The following ABCA13 variants were observed in gnomAD, a reference collection of about 807,000 sequenced individuals.
ABCA13 encodes ATP-binding cassette sub-family A member 13.
Under a neutral mutation model 478.7 loss-of-function variants are expected in ABCA13, and 476 were observed. That is an observed-to-expected ratio of 0.99 (90% CI 0.92 to 1.07). The LOEUF is 1.07. ABCA13 is among the 50% of genes least tolerant of loss of function. ABCA13 has a pLI of 0.00. For missense variants in ABCA13, 6,060 were observed against 5,910.6 expected, an observed-to-expected ratio of 1.03 and a Z score of -0.83; for synonymous variants, 2,252 against 2,158.9, an observed-to-expected ratio of 1.04 and a Z score of -1.20.
At chr7:48,511,296 CCT>C in intron 51 of ABCA13, 97 bp downstream of exon 51, 1 of 1,001,762 alleles carries the variant, frequency 1.0e-6, no homozygotes, top group Non-Finnish European at 1.5e-6. Context: ...TTCATGATTT[CCT>C]CTCTTTTGAA....
In ABCA13 at chr7:48,644,767, G is replaced by A; in HGVS notation, c.15081+13G>A. 6.4e-7 allele frequency: 1 copy of A among 1,571,850 alleles called. No homozygotes were observed. The highest frequency in any genetic ancestry group is 8.6e-7 in the Non-Finnish European group (1 of 1,163,706). On this transcript the variant is annotated intron_variant, in intron 61 of 61. Transcript: ENST00000435803. ...CACTTTGGAGCAGGTATAGTATCTT[G>A]AATGATTCAGGAGGTTGAATTTTGG...
At chr7:48,564,169 T>G (rs1786779999) in intron 55 of ABCA13, among the ~76,000 whole-genome samples, 1 of 152,134 alleles carries the variant, frequency 6.6e-6, no homozygotes, top group Non-Finnish European at 1.5e-5. Flanking sequence ...CTCTCAGATC[T>G]AATCTAGCAC....
chr7:48,350,636 T>TC lies in ABCA13; in HGVS notation c.10205-5dup. The TC allele has an allele frequency of 6.2e-7, 1 of 1,610,086 alleles. No homozygotes were observed. The highest frequency in any genetic ancestry group is 8.5e-7 in the Non-Finnish European group (1 of 1,177,586). ...TTGATGTGTCCTAATCTGTTCACTT[T>TC]CCTCAGGAGGGCTGCTGGATGAGAT... is the stretch of plus-strand genomic sequence containing the variant. On this transcript the variant is annotated splice_region_variant and splice_polypyrimidine_tract_variant and intron_variant, in intron 29 of 61. Transcript: ENST00000435803.
At chr7:48,510,444 T>C (rs1304906325) in intron 50 of ABCA13, among the ~76,000 whole-genome samples, 3 of 151,854 alleles carry the variant, frequency 2.0e-5, no homozygotes, top group African/African-American at 7.3e-5. Flanking sequence ...GATAGGGAGG[T>C]AGTGTGAGGA....
chr7:48,637,381 C>CAAAAAAAAAAAAAAAAAAAAAAA (rs1156643955), intron 59 of ABCA13, among the ~76,000 whole-genome samples: 13 of 20,256 alleles, frequency 6.4e-4, no homozygotes, highest in African/African-American at 1.0e-3. Flanking sequence ...GTTCATAAAG[C>CAAAAAAAAAAAAAAAAAAAAAAA]AAAAAAAAAA....
Position 48,281,332 on chromosome 7 carries a change from T to G in ABCA13, c.8727-11T>G, listed in dbSNP as rs1797005310. 3 of 1,583,468 alleles carry G rather than the reference T, an allele frequency of 1.9e-6. No individual in the cohort carries two copies. Among genetic ancestry groups the G allele is most frequent in the South Asian group, 1.2e-5 (1 of 86,590 alleles). On this transcript the variant is annotated splice_polypyrimidine_tract_variant and intron_variant, in intron 18 of 61. Coordinates refer to ENST00000435803, the MANE Select transcript of ABCA13 (RefSeq NM_152701.5). Reference sequence around the variant, plus strand: ...ACCCTTTTATGTCATTGTATATATTTTTTTGCTAAGTGTTGTTGAGATTTG... The same window carrying G: ...ACCCTTTTATGTCATTGTATATATTGTTTTGCTAAGTGTTGTTGAGATTTG...
chr7:48,278,874 C>T lies in ABCA13; in HGVS notation c.7680C>T (p.Ser2560=), dbSNP rs758068379. The change falls in exon 18 of 62, where the codon TCC becomes TCT. Residue 2560 remains serine, a synonymous_variant. Transcript: ENST00000435803. ...TGAAATTCTTTGACACTCTGTATTC[C>T]ATCATGCAACAAAGTGTTCAAAATC... The part of the protein sequence containing the change: ...DSVKFFDTLY[S]IMQQSVQNLV... 2.5e-6 allele frequency: 4 copies of T among 1,613,336 alleles called. No individual in the cohort carries two copies. In the South Asian group the frequency reaches 4.4e-5, roughly 18 times the overall value.
Position 48,545,394 on chromosome 7 carries a change from C to T in ABCA13, c.14354+17049C>T, listed in dbSNP as rs572936538. 2.6e-5 allele frequency among the ~76,000 whole-genome samples: 4 copies of T among 151,792 alleles called. 1 individual carries two copies. Among genetic ancestry groups the T allele is most frequent in the African/African-American group, 9.6e-5 (4 of 41,500 alleles). On this transcript the variant is annotated intron_variant, in intron 55 of 61. Coordinates refer to ENST00000435803, the MANE Select transcript of ABCA13 (RefSeq NM_152701.5). ...GAGCTTATACCCTAGAACTGAAACT[C>T]CTAGAATTGTGGGAGTTTAAATTTG... is the stretch of plus-strand genomic sequence containing the variant.
intron 43 of ABCA13, among the ~76,000 whole-genome samples, chr7:48,462,580 C>T (rs1388883950): frequency 6.6e-6 from 1 of 152,012 alleles, no homozygotes; most frequent in African/African-American, 2.4e-5. Context: ...GTGATCTTGG[C>T]TCACTACAAC....
intron 3 of ABCA13, among the ~76,000 whole-genome samples, chr7:48,206,648 A>G (rs796917194): frequency 2.3e-4 from 35 of 152,160 alleles, no homozygotes; most frequent in African/African-American, 8.2e-4. Context: ...AAAAGTCTTT[A>G]TTTTTAATTA....
chr7:48,296,441 C>A (rs969613094), intron 21 of ABCA13, among the ~76,000 whole-genome samples: 29 of 151,106 alleles, frequency 1.9e-4, no homozygotes, highest in Non-Finnish European at 3.8e-4. Context: ...GTTTGAACAG[C>A]AAATATTTTT....
At chr7:48,224,338 C>A (rs1249663570) in intron 5 of ABCA13, among the ~76,000 whole-genome samples, 1 of 152,168 alleles carries the variant, frequency 6.6e-6, no homozygotes, top group Non-Finnish European at 1.5e-5. Flanking sequence ...GTCCCTTGTT[C>A]CAGGAAACAT....
At chr7:48,260,571 G>A (rs191212577) in intron 15 of ABCA13, among the ~76,000 whole-genome samples, 1 of 152,016 alleles carries the variant, frequency 6.6e-6, no homozygotes, top group East Asian at 1.9e-4. Context: ...CTTGCACACT[G>A]TTCTATTTTT....
chr7:48,343,707 C>T (rs1158999999), intron 29 of ABCA13, among the ~76,000 whole-genome samples: 2 of 152,134 alleles, frequency 1.3e-5, no homozygotes, highest in Non-Finnish European at 2.9e-5. Flanking sequence ...GCAGTATACA[C>T]TGTACCCAAT....
chr7:48,411,069 CTTTTT>C (rs1819093476), intron 40 of ABCA13, among the ~76,000 whole-genome samples: 4 of 111,552 alleles, frequency 3.6e-5, no homozygotes, highest in South Asian at 2.8e-4. Flanking sequence ...TTCTTTCTTT[CTTTTT>C]CTTTCTTTCT....
At chr7:48,201,091 T>C (rs1358072318) in intron 3 of ABCA13, among the ~76,000 whole-genome samples, 2 of 152,158 alleles carry the variant, frequency 1.3e-5, no homozygotes, top group African/African-American at 4.8e-5. Flanking sequence ...TTTACAAAGC[T>C]CTTTGTTCTT....
rs566686765 is a variant in ABCA13 at position 48,199,853 on chromosome 7, A to G, written c.287+1493A>G. The stretch of plus-strand genomic sequence containing the variant: ...TAAATGATGTTGAAGTGGGAAGAAT[A>G]TGATTTTGTGGCTAAACAATACTGG... On this transcript the variant is annotated intron_variant, in intron 3 of 61. Transcript: ENST00000435803. 2.2e-4 allele frequency among the ~76,000 whole-genome samples: 33 copies of G among 152,292 alleles called. 3 individuals carry two copies. In the South Asian group the frequency reaches 6.8e-3, roughly 32 times the overall value.
chr7:48,494,413 T>C (rs904411325), intron 48 of ABCA13, among the ~76,000 whole-genome samples: 1 of 151,966 alleles, frequency 6.6e-6, no homozygotes, highest in Admixed American at 6.5e-5. Context: ...AACATGCCCT[T>C]GAGAGCTTTG....
intron 31 of ABCA13, among the ~76,000 whole-genome samples, chr7:48,362,409 C>CTTTTTTTTTTTTTTTTTTTTTCTTTTT (rs35795708): frequency 1.2e-5 from 1 of 86,010 alleles, no homozygotes. Context: ...TCCTCTTCTT[C>CTTTTTTTTTTTTTTTTTTTTTCTTTTT]TTTTTTTTTT....
Sources: allele counts gnomAD v4.1 joint callset (sites outside exome capture counted in the v4.1 genomes callset), GRCh38; gene constraint gnomAD v4.1.1; transcripts MANE v1.5; gene names NCBI Gene and HGNC (gene_info 2026-07-23, HGNC 2026-07-21).